The following GLCE variants were observed in gnomAD, a reference collection of about 807,000 sequenced individuals.
GLCE encodes the protein D-glucuronyl C5-epimerase.
Under a neutral mutation model 47.9 loss-of-function variants are expected in GLCE, and 19 were observed. The observed-to-expected ratio is 0.40, with a 90% CI of 0.28 to 0.58. The LOEUF is 0.58. Ranked by LOEUF, GLCE falls within the 20% of genes least tolerant of loss-of-function variation. GLCE has a pLI of 0.48. For missense variants in GLCE, 556 were observed against 743.3 expected, an observed-to-expected ratio of 0.75 and a Z score of 2.93; for synonymous variants, 245 against 263.4, an observed-to-expected ratio of 0.93 and a Z score of 0.68.
chr15:69,242,783 G>GCCACA (rs2052689468), intron 2 of GLCE, among the ~76,000 whole-genome samples: 4 of 152,038 alleles, frequency 2.6e-5, no homozygotes, highest in Non-Finnish European at 5.9e-5. Context: ...GGTAGCTCAT[G>GCCACA]CCTGTAATCC....
chr15:69,243,830 A>G (rs77711272), intron 2 of GLCE, among the ~76,000 whole-genome samples: 1,517 of 139,550 alleles, frequency 0.011, 23 homozygotes, highest in African/African-American at 0.036. Context: ...AAAAAAAAAG[A>G]CAGGGTCTCA....
chr15:69,189,522 G>A (rs532731187), intron 1 of GLCE, among the ~76,000 whole-genome samples: 4 of 152,128 alleles, frequency 2.6e-5, no homozygotes, highest in Non-Finnish European at 2.9e-5. Context: ...ATACGTTTTC[G>A]ACTCATTTGG....
intron 1 of GLCE, among the ~76,000 whole-genome samples, chr15:69,195,408 C>T (rs535148466): frequency 3.3e-5 from 5 of 151,504 alleles, no homozygotes; most frequent in Non-Finnish European, 7.4e-5. Flanking sequence ...TACAAGTTAC[C>T]TATGAAAGAA....
intron 1 of GLCE, among the ~76,000 whole-genome samples, chr15:69,173,191 A>T (rs963675239): frequency 6.6e-6 from 1 of 152,262 alleles, no homozygotes; most frequent in Non-Finnish European, 1.5e-5. Flanking sequence ...CATCTAGCTT[A>T]GTTCTGTTCT....
intron 2 of GLCE, among the ~76,000 whole-genome samples, chr15:69,215,656 T>C (rs1210638768): frequency 6.6e-6 from 1 of 152,160 alleles, no homozygotes; most frequent in Non-Finnish European, 1.5e-5. Flanking sequence ...TAGTTAACTT[T>C]ATAAGAAACT....
chr15:69,206,935 GTATTA>G (rs2052160700), intron 1 of GLCE, among the ~76,000 whole-genome samples: 1 of 151,942 alleles, frequency 6.6e-6, no homozygotes, highest in South Asian at 2.1e-4. Flanking sequence ...GTACCTATTT[GTATTA>G]TATATTTTGC....
chr15:69,247,911 A>G (rs1338970745), intron 2 of GLCE, among the ~76,000 whole-genome samples: 2 of 152,222 alleles, frequency 1.3e-5, no homozygotes, highest in Non-Finnish European at 2.9e-5. Flanking sequence ...GCAACATTGA[A>G]GATCACTGAT....
Position 69,268,203 on chromosome 15 carries a change from T to C in GLCE, c.830-17T>C. The C allele has an allele frequency of 6.6e-7, 1 of 1,515,432 alleles. No individual in the cohort carries two copies. The highest frequency in any genetic ancestry group is 1.3e-5 in the South Asian group (1 of 78,160). 93.9% of individuals were successfully genotyped at this position (1,515,432 alleles called of 1,614,324 possible). On this transcript the variant is annotated splice_polypyrimidine_tract_variant and intron_variant, in intron 4 of 4. Transcript: ENST00000261858. Reference sequence around the variant, plus strand: ...TTTTATTCTAACCAGTCTTTGTTGGTATATTCTCCCCTACAGAAACCAGTG... The same window carrying C: ...TTTTATTCTAACCAGTCTTTGTTGGCATATTCTCCCCTACAGAAACCAGTG...
intron 3 of GLCE, chr15:69,260,783 A>G (rs7178370): frequency 0.022 from 6,290 of 286,470 alleles, 377 homozygotes; most frequent in African/African-American, 0.13. Context: ...ATTATGAAAC[A>G]TGACATCTGT....
At chr15:69,209,975 CG>C (rs1180714125) in intron 1 of GLCE, among the ~76,000 whole-genome samples, 1 of 151,980 alleles carries the variant, frequency 6.6e-6, no homozygotes, top group Admixed American at 6.6e-5. Flanking sequence ...GAGAAAAAAA[CG>C]GGGGGATTTG....
At chr15:69,177,086 C>G (rs2051678511) in intron 1 of GLCE, among the ~76,000 whole-genome samples, 1 of 150,092 alleles carries the variant, frequency 6.7e-6, no homozygotes, top group Non-Finnish European at 1.5e-5. Context: ...ATGGTGCAAT[C>G]TCGGCTCTCT....
intron 2 of GLCE, among the ~76,000 whole-genome samples, chr15:69,225,963 C>T (rs533923825): frequency 4.8e-4 from 73 of 151,990 alleles, no homozygotes; most frequent in African/African-American, 1.5e-3. Flanking sequence ...ACATATATGA[C>T]GTTTCCAATT....
At chr15:69,217,309 T>A (rs890639286) in intron 2 of GLCE, among the ~76,000 whole-genome samples, 3 of 151,820 alleles carry the variant, frequency 2.0e-5, no homozygotes, top group African/African-American at 7.2e-5. Flanking sequence ...TGTTTGTTTT[T>A]TATTGATCCT....
chr15:69,169,859 C>T (rs2051563654), intron 1 of GLCE, among the ~76,000 whole-genome samples: 1 of 152,048 alleles, frequency 6.6e-6, no homozygotes, highest in Non-Finnish European at 1.5e-5. Context: ...AACATACGAA[C>T]ACACATAATT....
Position 69,255,793 on chromosome 15 carries a change from G to A in GLCE, c.-13-1G>A. 1 of 1,559,796 alleles carries A rather than the reference G, an allele frequency of 6.4e-7. No homozygotes were observed. The highest frequency in any genetic ancestry group is 1.7e-5 in the Admixed American group (1 of 59,514). On this transcript the variant is annotated splice_acceptor_variant, in intron 2 of 4. Coordinates refer to ENST00000261858, the MANE Select transcript of GLCE (RefSeq NM_015554.3). LOFTEE classifies it low-confidence loss of function (5UTR_SPLICE). Reference sequence around the variant, plus strand: ...GATTTTTTTTCTTCTTGCCTCCATAGGTATGGTCTGAATATGCGTTGCTTG... The same window carrying A: ...GATTTTTTTTCTTCTTGCCTCCATAAGTATGGTCTGAATATGCGTTGCTTG...
intron 1 of GLCE, among the ~76,000 whole-genome samples, chr15:69,186,634 A>T (rs2051828044): frequency 6.6e-6 from 1 of 152,174 alleles, no homozygotes; most frequent in South Asian, 2.1e-4. Flanking sequence ...GAAGATAAGG[A>T]TGTGTGCAGC....
intron 1 of GLCE, among the ~76,000 whole-genome samples, chr15:69,183,447 G>A (rs1272815937): frequency 6.6e-6 from 1 of 152,190 alleles, no homozygotes; most frequent in Non-Finnish European, 1.5e-5. Context: ...GGCCTAGAGA[G>A]GCACTGAAAT....
chr15:69,167,221 AAAAAC>A (rs550975189), intron 1 of GLCE, among the ~76,000 whole-genome samples: 24 of 152,346 alleles, frequency 1.6e-4, no homozygotes, highest in African/African-American at 2.4e-4. Flanking sequence ...CTCAAAAACA[AAAAAC>A]AAAACAAAAC....
intron 1 of GLCE, among the ~76,000 whole-genome samples, chr15:69,171,701 A>T (rs2051592133): frequency 1.3e-5 from 2 of 152,074 alleles, no homozygotes; most frequent in South Asian, 2.1e-4. Context: ...CTGCTCTGGG[A>T]TAGATTCTTT....
Sources: allele counts gnomAD v4.1 joint callset (sites outside exome capture counted in the v4.1 genomes callset), GRCh38; gene constraint gnomAD v4.1.1; transcripts MANE v1.5; gene names NCBI Gene and HGNC (gene_info 2026-07-23, HGNC 2026-07-21).